Variants in PCDH9 observed in about 807,000 individuals in gnomAD.
PCDH9 encodes the protein protocadherin-9.
In PCDH9, 24 loss-of-function variants were observed where a neutral mutation model predicts 70.6. The ratio of observed to expected loss-of-function variants is 0.34; its 90% CI spans 0.25 to 0.48. The LOEUF (loss-of-function observed/expected upper bound fraction) is 0.48, where lower values mean the gene tolerates loss of function less well. Ranked by LOEUF, PCDH9 falls within the 20% of genes least tolerant of loss-of-function variation. The pLI, the probability that PCDH9 is intolerant of heterozygous loss-of-function variation, is 0.99. For synonymous variants in PCDH9, 562 were observed against 558.5 expected, an observed-to-expected ratio of 1.01 and a Z score of -0.09; for missense variants, 1,281 against 1,503.6, an observed-to-expected ratio of 0.85 and a Z score of 2.45.
intron 4 of PCDH9, among the ~76,000 whole-genome samples, chr13:66,335,888 G>T (rs760489530): frequency 5.3e-5 from 8 of 152,096 alleles, no homozygotes; most frequent in Non-Finnish European, 1.0e-4. Flanking sequence ...CCGGAGGCCC[G>T]TATTGTCAAT....
At chr13:66,581,431 C>T (rs1019240754) in intron 4 of PCDH9, among the ~76,000 whole-genome samples, 3 of 152,046 alleles carry the variant, frequency 2.0e-5, no homozygotes, top group Admixed American at 6.6e-5. Flanking sequence ...ATCTGTTGTG[C>T]GTTTTTTGTC....
At chr13:66,733,071 A>C (rs1323994532) in intron 3 of PCDH9, among the ~76,000 whole-genome samples, 1 of 152,114 alleles carries the variant, frequency 6.6e-6, no homozygotes, top group African/African-American at 2.4e-5. Flanking sequence ...CACCATTGAG[A>C]AAACAAATAA....
intron 4 of PCDH9, among the ~76,000 whole-genome samples, chr13:66,572,277 A>G (rs1165438511): frequency 2.0e-5 from 3 of 152,056 alleles, no homozygotes; most frequent in African/African-American, 4.8e-5. Flanking sequence ...ATTGTTAACT[A>G]TATTTACCCT....
At chr13:66,921,769 A>G (rs1393759266) in intron 2 of PCDH9, among the ~76,000 whole-genome samples, 2 of 151,288 alleles carry the variant, frequency 1.3e-5, no homozygotes, top group Admixed American at 1.3e-4. Flanking sequence ...ACTGCTTCCT[A>G]TTTTGAGTAC....
chr13:67,065,864 T>C (rs899742395), intron 2 of PCDH9, among the ~76,000 whole-genome samples: 1 of 152,166 alleles, frequency 6.6e-6, no homozygotes, highest in Admixed American at 6.6e-5. Flanking sequence ...AGTCACATGC[T>C]AATTAGAATA....
At chr13:66,743,779 A>T (rs891047569) in intron 3 of PCDH9, among the ~76,000 whole-genome samples, 28 of 152,286 alleles carry the variant, frequency 1.8e-4, no homozygotes, top group Non-Finnish European at 3.8e-4. Context: ...GTCGTAAATG[A>T]AAAACAACTA....
At chr13:66,911,525 G>A (rs1226780137) in intron 2 of PCDH9, among the ~76,000 whole-genome samples, 1 of 152,130 alleles carries the variant, frequency 6.6e-6, no homozygotes, top group Non-Finnish European at 1.5e-5. Context: ...AATGGTTCAT[G>A]GATGTTATAT....
intron 2 of PCDH9, among the ~76,000 whole-genome samples, chr13:67,145,520 A>G (rs1052210766): frequency 1.3e-5 from 2 of 152,030 alleles, no homozygotes; most frequent in Admixed American, 6.6e-5. Flanking sequence ...TAATAGGAAA[A>G]AAATCTTACC....
At chr13:66,871,732 A>G (rs1372310354) in intron 3 of PCDH9, among the ~76,000 whole-genome samples, 4 of 152,134 alleles carry the variant, frequency 2.6e-5, no homozygotes, top group Admixed American at 2.0e-4. Flanking sequence ...TATATTTGTT[A>G]TATGAGGCAA....
At chr13:66,509,415 A>G (rs1424035069) in intron 4 of PCDH9, among the ~76,000 whole-genome samples, 1 of 152,144 alleles carries the variant, frequency 6.6e-6, no homozygotes, top group Non-Finnish European at 1.5e-5. Context: ...GCAAATACAG[A>G]TGGCCTAGTC....
At chr13:66,937,486 C>G (rs2082935970) in intron 2 of PCDH9, among the ~76,000 whole-genome samples, 1 of 152,158 alleles carries the variant, frequency 6.6e-6, no homozygotes, top group African/African-American at 2.4e-5. Context: ...CAATTTGTTT[C>G]TAAGCTCCAC....
intron 2 of PCDH9, among the ~76,000 whole-genome samples, chr13:66,921,907 A>T (rs950462151): frequency 1.3e-5 from 2 of 151,320 alleles, no homozygotes; most frequent in African/African-American, 2.4e-5. Flanking sequence ...CTGATTTCAC[A>T]TAGCTAATCA....
chr13:67,104,165 G>C (rs1298507592), intron 2 of PCDH9, among the ~76,000 whole-genome samples: 1 of 152,180 alleles, frequency 6.6e-6, no homozygotes, highest in Non-Finnish European at 1.5e-5. Flanking sequence ...CTGGGTCCTG[G>C]AGTTTTAAGT....
intron 4 of PCDH9, among the ~76,000 whole-genome samples, chr13:66,594,517 ATT>A (rs1184205665): frequency 8.0e-6 from 1 of 125,696 alleles, no homozygotes; most frequent in Non-Finnish European, 1.7e-5. Flanking sequence ...ATTTTATTTT[ATT>A]TTAAGTTCTG....
chr13:67,209,235 A>G (rs2089420937), intron 2 of PCDH9: 1 of 151,676 alleles, frequency 6.6e-6, no homozygotes, highest in African/African-American at 2.4e-5. Flanking sequence ...GAAGACCATA[A>G]CATAAGAAGA....
intron 4 of PCDH9, among the ~76,000 whole-genome samples, chr13:66,521,752 C>G (rs1959999064): frequency 6.6e-6 from 1 of 152,022 alleles, no homozygotes; most frequent in African/African-American, 2.4e-5. Context: ...TTTAGAAAAA[C>G]TTGATACAGG....
At chr13:66,639,899 C>G (rs912706316) in intron 3 of PCDH9, among the ~76,000 whole-genome samples, 1 of 151,964 alleles carries the variant, frequency 6.6e-6, no homozygotes, top group Non-Finnish European at 1.5e-5. Context: ...TCTGAGCACA[C>G]GAAATATAAA....
intron 2 of PCDH9, among the ~76,000 whole-genome samples, chr13:67,182,042 C>A (rs2088630078): frequency 6.6e-6 from 1 of 152,168 alleles, no homozygotes; most frequent in Non-Finnish European, 1.5e-5. Flanking sequence ...GCTCAAGGCT[C>A]TGCCCCTGGA....
At chr13:66,992,698 A>T (rs1482768406) in intron 2 of PCDH9, among the ~76,000 whole-genome samples, 2 of 152,168 alleles carry the variant, frequency 1.3e-5, no homozygotes, top group African/African-American at 4.8e-5. Flanking sequence ...ACAAGTTTGA[A>T]CTAGTCACAG....
Sources: allele counts gnomAD v4.1 joint callset (sites outside exome capture counted in the v4.1 genomes callset), GRCh38; gene constraint gnomAD v4.1.1; transcripts MANE v1.5; gene names NCBI Gene and HGNC (gene_info 2026-07-23, HGNC 2026-07-21).